FXR2: variants seen among roughly 807,000 people sequenced by gnomAD.
FXR2 encodes RNA-binding protein FXR2.
A neutral mutation model predicts 87.3 loss-of-function variants in FXR2; 9 were observed. The observed-to-expected ratio is 0.10, with a 90% CI of 0.06 to 0.18. The LOEUF (loss-of-function observed/expected upper bound fraction) is 0.18, where lower values mean the gene tolerates loss of function less well. FXR2 is among the 10% of genes least tolerant of loss of function. The probability of loss-of-function intolerance (pLI) is 1.00; values close to 1 mark genes in which losing one functional copy is unlikely to be tolerated. For missense variants in FXR2, 661 were observed against 893.6 expected (o/e 0.74, Z 3.32); for synonymous variants, 331 against 328.3 (o/e 1.01, Z -0.09).
chr17:7,614,247 G>A (rs2071913617), intron 1 of FXR2: 2 of 687,514 alleles, frequency 2.9e-6, no homozygotes, highest in East Asian at 5.4e-5. Context: ...GTAGAAGCAG[G>A]TGCAGGTGCC....
In FXR2 at chr17:7,592,462, C is replaced by T. The variant is rs745913594; in HGVS notation, c.1825+42G>A. On this transcript the variant is annotated intron_variant, in intron 15 of 16. Coordinates refer to ENST00000250113, the MANE Select transcript of FXR2 (RefSeq NM_004860.4). This position sits in a 1 kb window ranked among gnomAD's most constrained non-coding sequence, Gnocchi z 4.8. Reference sequence around the variant, plus strand: ...TTCACAGGGGTGAGCATCCCATTCTCTCAGCTCTGAGGAAGGATTCTGGTG... The same window carrying T: ...TTCACAGGGGTGAGCATCCCATTCTTTCAGCTCTGAGGAAGGATTCTGGTG... 2 of 1,588,844 alleles carry T rather than the reference C, an allele frequency of 1.3e-6. No homozygotes were observed. Among genetic ancestry groups the T allele is most frequent in the South Asian group, 2.2e-5 (2 of 90,582 alleles).
rs2071702189 is a variant in FXR2, at chr17:7,595,725, G to C, written c.831+99C>G. 1 of 904,644 alleles carries C rather than the reference G, an allele frequency of 1.1e-6. No homozygotes were observed. The highest frequency in any genetic ancestry group is 1.7e-5 in the African/African-American group (1 of 60,272). The allele number at this position is 904,644 out of a possible 1,614,324, so 56.0% of individuals were successfully genotyped here. On this transcript the variant is annotated intron_variant, in intron 8 of 16. Transcript: ENST00000250113. This position sits in a 1 kb window ranked among gnomAD's most constrained non-coding sequence, Gnocchi z 4.7. The stretch of plus-strand genomic sequence containing the variant: ...GACCTCCGAAGGTGCTGGGATTACA[G>C]GTGTGAGCCACTGTGCCCAGTTTGA...
chr17:7,610,035 T>TATATATAC lies in FXR2; in HGVS notation c.82-3887_82-3886insGTATATAT, dbSNP rs1350097924. Among the ~76,000 whole-genome samples, 222 of 97,040 alleles carry TATATATAC rather than the reference T, an allele frequency of 2.3e-3. 4 individuals carry two copies. The East Asian group carries it at 0.028, about 12-fold the overall frequency. The allele number at this position is 97,040 out of a possible 152,430, so 63.7% of individuals were successfully genotyped here. A position where few individuals can be genotyped will look rare whatever the true frequency, so the allele number is the denominator to read the frequency against. Reference sequence around the variant, plus strand: ...ATATATACATGTATATGTATACATGTATGTATATATATACACACACACACA... The same window carrying TATATATAC: ...ATATATACATGTATATGTATACATGTATATATACATGTATATATATACACACACACACA... On this transcript the variant is annotated intron_variant, in intron 1 of 16. Coordinates refer to ENST00000250113, the MANE Select transcript of FXR2 (RefSeq NM_004860.4).
chr17:7,593,561 C>T lies in FXR2; in HGVS notation c.1172G>A (p.Gly391Asp). 6.3e-7 allele frequency: 1 copy of T among 1,597,522 alleles called. No homozygotes were observed. The highest frequency in any genetic ancestry group is 1.7e-5 in the Admixed American group (1 of 57,714). Residue 391 changes from glycine (G) to aspartate (D), a missense_variant, in exon 12 of 17, where the codon GGC becomes GAC. This residue lies in a region of FXR2 where 409 missense variants were observed against 432.0 expected (regional missense o/e 0.95). Transcript: ENST00000250113. The surrounding 1 kb of genome is among the most constrained non-coding windows in gnomAD (Gnocchi z 6.1). The part of the protein sequence containing the change: ...IDEQLRQIGL[G>D]FRPPGSGRGS... ...CCGCCCACTCCCAGGAGGGCGAAAG[C>T]CCAGCCCAATCTGCCGAAGCTGCTC... is the stretch of plus-strand genomic sequence containing the variant.
intron 1 of FXR2, among the ~76,000 whole-genome samples, chr17:7,609,071 T>G (rs2071828130): frequency 6.6e-6 from 1 of 152,078 alleles, no homozygotes; most frequent in Non-Finnish European, 1.5e-5. Flanking sequence ...ATTGCACCAC[T>G]GCACTCCATA....
chr17:7,601,581 G>A, intron 6 of FXR2, 56 bp from the exon 7 acceptor site: 1 of 1,004,942 alleles, frequency 1.0e-6, no homozygotes, highest in Non-Finnish European at 1.6e-6. Flanking sequence ...AACACTAAGG[G>A]AGAGCCAGGG....
At chr17:7,607,122 C>T in intron 1 of FXR2, among the ~76,000 whole-genome samples, 1 of 151,954 alleles carries the variant, frequency 6.6e-6, no homozygotes, top group Non-Finnish European at 1.5e-5. Flanking sequence ...AGTTCGAGAC[C>T]AGCCTGCCAA....
In FXR2 at chr17:7,591,756, T is replaced by A; in HGVS notation, c.*74A>T. The stretch of plus-strand genomic sequence containing the variant: ...TAGATAAGAGCAGCTCCAGCGCAGG[T>A]CAGTTGGGCCTGTGAGGGCCATGGT... On this transcript the variant is annotated 3_prime_UTR_variant, in exon 17 of 17. Transcript: ENST00000250113. This position sits in a 1 kb window ranked among gnomAD's most constrained non-coding sequence, Gnocchi z 4.0. The A allele has an allele frequency of 1.2e-6, 1 of 840,962 alleles. No homozygotes were observed. The highest frequency in any genetic ancestry group is 2.5e-5 in the East Asian group (1 of 39,900). 52.1% of individuals were successfully genotyped at this position (840,962 alleles called of 1,614,324 possible).
chr17:7,613,832 C>T, intron 1 of FXR2: 1 of 348,654 alleles, frequency 2.9e-6, no homozygotes, highest in East Asian at 7.5e-5. Context: ...AAAGATGCCA[C>T]CTTATGGCTG....
intron 1 of FXR2, chr17:7,614,097 TGATTAAG>T (rs1442512278): frequency 3.9e-6 from 2 of 512,204 alleles, no homozygotes; most frequent in Non-Finnish European, 3.8e-6. Context: ...GGGGAAGATG[TGATTAAG>T]GTCTAAGGTA....
intron 2 of FXR2, 169 bp downstream of exon 2, chr17:7,605,928 C>G: frequency 1.5e-6 from 1 of 646,006 alleles, no homozygotes; most frequent in Non-Finnish European, 2.7e-6. Flanking sequence ...CAAATGCCCC[C>G]ACCCTCACCA....
chr17:7,604,316 G>A (rs1400199993), intron 3 of FXR2, among the ~76,000 whole-genome samples: 1 of 151,988 alleles, frequency 6.6e-6, no homozygotes, highest in Non-Finnish European at 1.5e-5. Context: ...TATAATCCCA[G>A]CACTTTGGAA....
intron 1 of FXR2, among the ~76,000 whole-genome samples, chr17:7,612,724 C>T (rs907933809): frequency 2.0e-5 from 3 of 151,906 alleles, no homozygotes; most frequent in Non-Finnish European, 4.4e-5. Context: ...TGGCCGGGCG[C>T]GGTGGCTCAC....
chr17:7,606,259 G>A, intron 1 of FXR2, 110 bp from the exon 2 acceptor site: 1 of 687,780 alleles, frequency 1.5e-6, no homozygotes, highest in Non-Finnish European at 2.5e-6. Context: ...TTTTAGATAG[G>A]GACACAAGTG....
chr17:7,603,467 C>T (rs1303077479), intron 5 of FXR2, among the ~76,000 whole-genome samples: 1 of 143,706 alleles, frequency 7.0e-6, no homozygotes, highest in Non-Finnish European at 1.5e-5. Flanking sequence ...GTGGAGGTTG[C>T]GGTGAGCCGA....
chr17:7,613,702 G>A (rs2071898539), intron 1 of FXR2, among the ~76,000 whole-genome samples: 1 of 152,194 alleles, frequency 6.6e-6, no homozygotes, highest in South Asian at 2.1e-4. Context: ...TCAAGACGAA[G>A]AAACTATATG....
Position 7,605,692 on chromosome 17 carries a change from G to T in FXR2, c.181C>A (p.Pro61Thr). Reference protein sequence around the residue: ...QIPFGDVRLPPPADYNKEITE... With the variant: ...QIPFGDVRLPTPADYNKEITE... ...ATCTCCTTATTATAGTCAGCTGGAG[G>T]TGGTAGCCGGACATCCCCAAAAGGA... is the stretch of plus-strand genomic sequence containing the variant. The change falls in exon 3 of 17, where the codon CCT becomes ACT. Residue 61 changes from proline (P) to threonine (T), a missense_variant. Around this residue, in one of 3 missense-constraint regions of FXR2, gnomAD observed 170 missense variants for 247.2 expected, o/e 0.69. Coordinates refer to ENST00000250113, the MANE Select transcript of FXR2 (RefSeq NM_004860.4). 6.3e-7 allele frequency: 1 copy of T among 1,599,846 alleles called. No individual in the cohort carries two copies. The highest frequency in any genetic ancestry group is 8.6e-7 in the Non-Finnish European group (1 of 1,167,978).
rs374994176 is a variant in FXR2, at chr17:7,603,468, G to A, written c.449+289C>T. ...CCTGAACCTAGGAGGTGGAGGTTGC[G>A]GTGAGCCGAGATTGTGCCACTGCAC... On this transcript the variant is annotated intron_variant, in intron 5 of 16. Transcript: ENST00000250113. Among the ~76,000 whole-genome samples the A allele has an allele frequency of 4.6e-5, 7 of 150,984 alleles. No individual in the cohort carries two copies. The South Asian group carries it at 6.3e-4, about 14-fold the overall frequency.
Position 7,594,607 on chromosome 17 carries a change from G to T in FXR2, c.910+72C>A. On this transcript the variant is annotated intron_variant, in intron 9 of 16. Transcript: ENST00000250113. The surrounding 1 kb of genome is among the most constrained non-coding windows in gnomAD (Gnocchi z 5.1). ...AGTCCACAGGGAGGTGCCAATCCTG[G>T]ATAAAAGCTCAGAATCACTGTAGAG... is the stretch of plus-strand genomic sequence containing the variant. 1 of 1,009,090 alleles carries T rather than the reference G, an allele frequency of 9.9e-7. No individual in the cohort carries two copies. Among genetic ancestry groups the T allele is most frequent in the East Asian group, 2.4e-5 (1 of 42,156 alleles). The allele number at this position is 1,009,090 out of a possible 1,614,324, so 62.5% of individuals were successfully genotyped here.
Sources: gnomAD v4.1 joint callset for allele counts (sites outside exome capture counted in the v4.1 genomes callset) on GRCh38, gnomAD v4.1.1 for gene constraint, gnomAD v4.1.1 regional missense constraint, Gnocchi (gnomAD v3.1) non-coding constraint, MANE v1.5 for transcripts, NCBI Gene and HGNC (gene_info 2026-07-23, HGNC 2026-07-21) for gene names.